Variants in LTBP1 observed in about 807,000 individuals in gnomAD.
LTBP1 encodes latent transforming growth factor beta binding protein 1.
LTBP1 carries 129 observed loss-of-function variants against 207.6 expected under a neutral mutation model. The observed-to-expected ratio is 0.62, with a 90% CI of 0.54 to 0.72. The LOEUF is 0.72. Ranked by LOEUF, LTBP1 falls within the 30% of genes least tolerant of loss-of-function variation. The pLI, the probability that LTBP1 is intolerant of heterozygous loss-of-function variation, is 0.00. For missense variants in LTBP1, 2,281 were observed against 2,217.2 expected, an observed-to-expected ratio of 1.03 and a Z score of -0.58; for synonymous variants, 963 against 833.7, an observed-to-expected ratio of 1.16 and a Z score of -2.67.
At chr2:33,129,157 C>T (rs981744565) in intron 4 of LTBP1, among the ~76,000 whole-genome samples, 12 of 152,278 alleles carry the variant, frequency 7.9e-5, no homozygotes, top group South Asian at 2.1e-4. Flanking sequence ...AAGTGGAGAA[C>T]GAGCAAAAAC....
At chr2:33,385,246 A>G (rs1185900240) in intron 31 of LTBP1, among the ~76,000 whole-genome samples, 2 of 152,232 alleles carry the variant, frequency 1.3e-5, no homozygotes, top group East Asian at 1.9e-4. Context: ...CCCTCTACCT[A>G]TTTAAAAACT....
intron 24 of LTBP1, among the ~76,000 whole-genome samples, chr2:33,325,289 C>T (rs1039867509): frequency 2.0e-5 from 3 of 152,000 alleles, no homozygotes; most frequent in African/African-American, 7.2e-5. Flanking sequence ...CTTTCTTGGC[C>T]TCCTATTTGA....
At chr2:33,067,516 A>G (rs1073543) in intron 3 of LTBP1, among the ~76,000 whole-genome samples, 2,637 of 152,322 alleles carry the variant, frequency 0.017, 76 homozygotes, top group African/African-American at 0.06. Context: ...TGAGTTCTGC[A>G]TCTGTTTTTA....
Position 33,134,784 on chromosome 2 carries a change from C to T in LTBP1, c.1034-9C>T, listed in dbSNP as rs538114199. The T allele has an allele frequency of 3.9e-5, 63 of 1,614,038 alleles. No homozygotes were observed. Among genetic ancestry groups the T allele is most frequent in the East Asian group, 2.5e-4 (11 of 44,868 alleles). ...TTGTTGTTCTTTTTCTCCCTGCCTC[C>T]GCTCCTAGTGAGTAACCACACTGGC... On this transcript the variant is annotated splice_polypyrimidine_tract_variant and intron_variant, in intron 4 of 33. Coordinates refer to ENST00000404816, the MANE Select transcript of LTBP1 (RefSeq NM_206943.4). This position sits in a 1 kb window ranked among gnomAD's most constrained non-coding sequence, Gnocchi z 4.4.
At chr2:33,327,985 A>C (rs909315581) in intron 24 of LTBP1, among the ~76,000 whole-genome samples, 1 of 151,850 alleles carries the variant, frequency 6.6e-6, no homozygotes, top group Non-Finnish European at 1.5e-5. Context: ...AAATACAAAA[A>C]TTAGCCAGGC....
chr2:33,208,733 A>G (rs1049963783), intron 7 of LTBP1, among the ~76,000 whole-genome samples: 1 of 152,180 alleles, frequency 6.6e-6, no homozygotes, highest in African/African-American at 2.4e-5. Flanking sequence ...AGTATTAGCA[A>G]GTAGTCTGTC....
intron 3 of LTBP1, among the ~76,000 whole-genome samples, chr2:33,024,765 C>T (rs149336621): frequency 2.6e-5 from 4 of 152,258 alleles, no homozygotes; most frequent in African/African-American, 4.8e-5. Flanking sequence ...TGATGTGAGG[C>T]TAGGTAGCCT....
At chr2:33,362,619 C>G (rs1249928292) in intron 28 of LTBP1, among the ~76,000 whole-genome samples, 6 of 152,132 alleles carry the variant, frequency 3.9e-5, no homozygotes, top group Non-Finnish European at 7.4e-5. Flanking sequence ...CTAGGCTTGA[C>G]TTTGCCATTT....
intron 4 of LTBP1, among the ~76,000 whole-genome samples, chr2:33,111,262 G>C (rs573198231): frequency 6.6e-6 from 1 of 152,254 alleles, no homozygotes; most frequent in African/African-American, 2.4e-5. Flanking sequence ...TCAGTGGCCA[G>C]CTTGGTTAAT....
At chr2:32,990,885 GCT>G (rs1348400002) in intron 2 of LTBP1, among the ~76,000 whole-genome samples, 2 of 152,100 alleles carry the variant, frequency 1.3e-5, no homozygotes, top group Admixed American at 6.5e-5. Context: ...GACTGTGTAG[GCT>G]GTTGGATGCT....
intron 31 of LTBP1, among the ~76,000 whole-genome samples, chr2:33,369,110 T>G (rs775769689): frequency 6.6e-6 from 1 of 152,122 alleles, no homozygotes; most frequent in African/African-American, 2.4e-5. Context: ...AAAAGTAGAT[T>G]AGAACAAATA....
intron 3 of LTBP1, among the ~76,000 whole-genome samples, chr2:33,086,660 T>C (rs1156802795): frequency 6.6e-6 from 1 of 152,208 alleles, no homozygotes; most frequent in Non-Finnish European, 1.5e-5. Flanking sequence ...CGGTAGGCTT[T>C]CTATAAGCTT....
chr2:33,029,300 A>T (rs1232352389), intron 3 of LTBP1, among the ~76,000 whole-genome samples: 1 of 152,070 alleles, frequency 6.6e-6, no homozygotes. Flanking sequence ...AACATGGTGA[A>T]ACCCCGTCTC....
chr2:33,270,393 T>A (rs1232025704), intron 15 of LTBP1, among the ~76,000 whole-genome samples: 2 of 151,724 alleles, frequency 1.3e-5, no homozygotes, highest in Non-Finnish European at 2.9e-5. Flanking sequence ...ATGGAGACCA[T>A]CCTGGTTAAC....
intron 4 of LTBP1, among the ~76,000 whole-genome samples, chr2:33,130,734 A>G (rs1429866625): frequency 6.6e-6 from 1 of 151,956 alleles, no homozygotes; most frequent in Non-Finnish European, 1.5e-5. Context: ...TGCAGACAGG[A>G]TGTTGACTCT....
intron 3 of LTBP1, among the ~76,000 whole-genome samples, chr2:33,031,837 G>A (rs2075704454): frequency 6.6e-6 from 1 of 152,140 alleles, no homozygotes; most frequent in Admixed American, 6.5e-5. Flanking sequence ...CGAGGAATAT[G>A]AAGATGGCTC....
At chr2:33,113,151 A>T (rs1295375634) in intron 4 of LTBP1, among the ~76,000 whole-genome samples, 1 of 152,240 alleles carries the variant, frequency 6.6e-6, no homozygotes, top group Non-Finnish European at 1.5e-5. Flanking sequence ...AGAGGTTGGC[A>T]ATAACAAGTG....
At chr2:33,205,853 C>G (rs571379816) in intron 7 of LTBP1, among the ~76,000 whole-genome samples, 80 of 152,182 alleles carry the variant, frequency 5.3e-4, no homozygotes, top group African/African-American at 1.8e-3. Flanking sequence ...TGAGCTTGAC[C>G]TCTCTGTTGC....
intron 3 of LTBP1, among the ~76,000 whole-genome samples, chr2:33,047,091 G>GT (rs1344513866): frequency 2.6e-5 from 4 of 151,964 alleles, no homozygotes; most frequent in Non-Finnish European, 4.4e-5. Context: ...TTTTTGAAGG[G>GT]TTTTTTGTGT....
Sources: gnomAD v4.1 joint callset for allele counts (sites outside exome capture counted in the v4.1 genomes callset) on GRCh38, gnomAD v4.1.1 for gene constraint, Gnocchi (gnomAD v3.1) non-coding constraint, MANE v1.5 for transcripts, NCBI Gene and HGNC (gene_info 2026-07-23, HGNC 2026-07-21) for gene names.